CCDC88C: variants seen among roughly 807,000 people sequenced by gnomAD.
CCDC88C encodes the protein protein Daple.
CCDC88C carries 131 observed loss-of-function variants against 198.8 expected under a neutral mutation model. The observed-to-expected ratio is 0.66, with a 90% CI of 0.57 to 0.76. The LOEUF is 0.76. CCDC88C is among the 30% of genes least tolerant of loss of function. The pLI is 0.00. For missense variants in CCDC88C, 2,553 were observed against 2,631.6 expected (o/e 0.97, Z 0.65); for synonymous variants, 1,166 against 1,114.7 (o/e 1.05, Z -0.92).
chr14:91,324,955 G>A (rs748774886), intron 11 of CCDC88C, 32 bp from the exon 12 acceptor site: 2 of 1,611,646 alleles, frequency 1.2e-6, no homozygotes, highest in Non-Finnish European at 1.7e-6. Context: ...AAGAAGTGAG[G>A]CTGCACAGCT....
intron 3 of CCDC88C, among the ~76,000 whole-genome samples, chr14:91,366,080 A>G (rs1894521050): frequency 6.6e-6 from 1 of 152,132 alleles, no homozygotes; most frequent in Admixed American, 6.5e-5. Flanking sequence ...AGGTTCTCAC[A>G]GAGACCATAT....
At chr14:91,350,694 C>G (rs1473551220) in intron 4 of CCDC88C, among the ~76,000 whole-genome samples, 1 of 152,176 alleles carries the variant, frequency 6.6e-6, no homozygotes, top group Non-Finnish European at 1.5e-5. Flanking sequence ...CTTGCTAACT[C>G]AGCTCCCCAC....
At chr14:91,300,184 A>G in intron 20 of CCDC88C, 114 bp from the exon 21 acceptor site, 4 of 1,434,402 alleles carry the variant, frequency 2.8e-6, no homozygotes, top group Non-Finnish European at 3.7e-6. Context: ...TCCTCTGGAG[A>G]GTCTCTCTGC....
chr14:91,351,633 C>A (rs1356108946), intron 4 of CCDC88C, among the ~76,000 whole-genome samples: 1 of 152,194 alleles, frequency 6.6e-6, no homozygotes, highest in South Asian at 2.1e-4. Context: ...CGTGCCCCCA[C>A]CCCCCGGCAT....
rs1229467718 is a variant in CCDC88C, at chr14:91,299,889, G to T, written c.3779+38C>A. On this transcript the variant is annotated intron_variant, in intron 21 of 29. Coordinates refer to ENST00000389857, the MANE Select transcript of CCDC88C (RefSeq NM_001080414.4). ...GCAAGGAGAGTCTGAACAGAATCTG[G>T]GGTGCTGCTATGTGCAGGGCCGGGC... The T allele has an allele frequency of 6.5e-6, 10 of 1,543,086 alleles. No individual in the cohort carries two copies. In the East Asian group the frequency reaches 2.1e-4, roughly 32 times the overall value.
intron 28 of CCDC88C, 113 bp from the exon 29 acceptor site, chr14:91,278,324 T>C (rs912983585): frequency 1.3e-5 from 14 of 1,073,168 alleles, no homozygotes; most frequent in Non-Finnish European, 1.8e-5. Flanking sequence ...ATAAAATCCC[T>C]TGCCCGAAAA....
rs1461259324 is a variant in CCDC88C, at chr14:91,283,883, A to G, written c.4442-366T>C. ...CTGTGTAACACTGTCCGGAACTCCA[A>G]TCCCTGACTTCCAAGGATCCAAGCC... On this transcript the variant is annotated intron_variant, in intron 25 of 29. Coordinates refer to ENST00000389857, the MANE Select transcript of CCDC88C (RefSeq NM_001080414.4). 3.3e-5 allele frequency among the ~76,000 whole-genome samples: 5 copies of G among 152,348 alleles called. No homozygotes were observed. The South Asian group carries it at 6.2e-4, about 19-fold the overall frequency.
chr14:91,365,127 C>T lies in CCDC88C; in HGVS notation c.271-5416G>A, dbSNP rs577275573. Among the ~76,000 whole-genome samples the T allele has an allele frequency of 1.3e-4, 20 of 152,208 alleles. No homozygotes were observed. In the East Asian group the frequency reaches 1.7e-3, roughly 13 times the overall value. On this transcript the variant is annotated intron_variant, in intron 3 of 29. Transcript: ENST00000389857. ...GCTCCAGGAGGCCACAGGCACCCTA[C>T]GGTCCCCTCCAGCCTAAGTGCTCTC...
chr14:91,305,723 C>T (rs1327200645), intron 19 of CCDC88C, 42 bp downstream of exon 19: 1 of 1,567,398 alleles, frequency 6.4e-7, no homozygotes, highest in South Asian at 1.2e-5. Flanking sequence ...AGATAAACAT[C>T]CCGCCAGGCT....
At position 91,381,034 on chromosome 14, in the gene CCDC88C, T is replaced by C. The variant is rs908415379; in HGVS notation, c.271-21323A>G. ...CTGATGCCCCTTCCTGCAAGAAAAA[T>C]GGACCACAAACAGGGCTGTGAAGCA... On this transcript the variant is annotated intron_variant, in intron 3 of 29. Coordinates refer to ENST00000389857, the MANE Select transcript of CCDC88C (RefSeq NM_001080414.4). The surrounding 1 kb of genome is among the most constrained non-coding windows in gnomAD (Gnocchi z 4.2). Among the ~76,000 whole-genome samples the C allele has an allele frequency of 7.2e-5, 11 of 152,118 alleles. No individual in the cohort carries two copies. The highest frequency in any genetic ancestry group is 2.7e-4 in the African/African-American group (11 of 41,428).
intron 20 of CCDC88C, among the ~76,000 whole-genome samples, chr14:91,302,448 T>C (rs1891341203): frequency 6.6e-6 from 1 of 152,204 alleles, no homozygotes; most frequent in South Asian, 2.1e-4. Context: ...CTACCTCTCC[T>C]AGCCCTCCCT....
chr14:91,379,713 C>T, intron 3 of CCDC88C: 2 of 647,300 alleles, frequency 3.1e-6, no homozygotes, highest in Non-Finnish European at 5.6e-6. Context: ...CCCAGAAGAG[C>T]CCACAGTGAT....
At chr14:91,384,325 A>G (rs1884994110) in intron 3 of CCDC88C, 1 of 365,424 alleles carries the variant, frequency 2.7e-6, no homozygotes. Flanking sequence ...GCAAAAACAA[A>G]AACAAGCAAA....
intron 3 of CCDC88C, among the ~76,000 whole-genome samples, chr14:91,407,587 G>A (rs56403664): frequency 6.6e-6 from 1 of 152,194 alleles, no homozygotes; most frequent in Non-Finnish European, 1.5e-5. Flanking sequence ...AGACAGCTGA[G>A]CACAGTGCAC....
In CCDC88C at chr14:91,371,630, C is replaced by T. The variant is rs939492940; in HGVS notation, c.271-11919G>A. Among the ~76,000 whole-genome samples the T allele has an allele frequency of 6.6e-6, 1 of 152,128 alleles. No individual in the cohort carries two copies. The highest frequency in any genetic ancestry group is 1.5e-5 in the Non-Finnish European group (1 of 68,010). ...CTCTAGCTGATTTCCTGGGCAGGCACCTATCTGTCCTGGGCACACCCTCCC... is the reference window on the plus strand; with the variant it reads ...CTCTAGCTGATTTCCTGGGCAGGCATCTATCTGTCCTGGGCACACCCTCCC... On this transcript the variant is annotated intron_variant, in intron 3 of 29. Coordinates refer to ENST00000389857, the MANE Select transcript of CCDC88C (RefSeq NM_001080414.4). This position sits in a 1 kb window ranked among gnomAD's most constrained non-coding sequence, Gnocchi z 4.2.
chr14:91,316,994 GTGCCAGGACCC>G (rs1317857329), intron 13 of CCDC88C, among the ~76,000 whole-genome samples: 2 of 152,144 alleles, frequency 1.3e-5, no homozygotes, highest in Non-Finnish European at 2.9e-5. Context: ...GGAGTTGTGG[GTGCCAGGACCC>G]TGCCCCTCAG....
chr14:91,367,782 G>A (rs1054763692), intron 3 of CCDC88C, among the ~76,000 whole-genome samples: 130 of 152,036 alleles, frequency 8.6e-4, no homozygotes, highest in African/African-American at 2.7e-4. Context: ...TCAACCCTTC[G>A]GTTACCCTGA....
chr14:91,285,901 G>A (rs1397861042), intron 25 of CCDC88C: 1 of 930,904 alleles, frequency 1.1e-6, no homozygotes, highest in Non-Finnish European at 1.5e-6. Context: ...TAAATGAAAT[G>A]AACAATAATG....
chr14:91,303,708 C>A lies in CCDC88C; in HGVS notation c.3628G>T (p.Gly1210Trp). 1.9e-6 allele frequency: 3 copies of A among 1,586,646 alleles called. No homozygotes were observed. The highest frequency in any genetic ancestry group is 2.6e-6 in the Non-Finnish European group (3 of 1,164,782). ...RNLELEHKEL[G>W]ERHGDMLKRK... ...TCCTTCCCCAGGCCCTACCTCTCCC[C>A]GAGCTCCTTGTGCTCCAGCTCCAGA... The change falls in exon 20 of 30, where the codon GGG becomes TGG. Residue 1210 changes from glycine to tryptophan, a missense_variant. Around this residue, in one of 2 missense-constraint regions of CCDC88C, gnomAD observed 1,293 missense variants for 1,219.6 expected, o/e 1.06. Transcript: ENST00000389857.
Sources: allele counts gnomAD v4.1 joint callset (sites outside exome capture counted in the v4.1 genomes callset), GRCh38; gene constraint gnomAD v4.1.1; regional missense constraint gnomAD v4.1.1; non-coding constraint Gnocchi (gnomAD v3.1); transcripts MANE v1.5; gene names NCBI Gene and HGNC (gene_info 2026-07-23, HGNC 2026-07-21).